Variants in CAPN13 observed in about 807,000 individuals in gnomAD.
CAPN13 encodes calpain-13.
In CAPN13, 90 loss-of-function variants were observed where a neutral mutation model predicts 98.4. That is an observed-to-expected ratio of 0.92 (90% CI 0.77 to 1.09). The LOEUF is 1.09. CAPN13 is among the 50% of genes least tolerant of loss of function. The pLI is 0.00. For synonymous variants in CAPN13, 330 were observed against 305.5 expected, an observed-to-expected ratio of 1.08 and a Z score of -0.84; for missense variants, 887 against 841.3, an observed-to-expected ratio of 1.05 and a Z score of -0.67.
chr2:30,778,965 T>G (rs1572860619), intron 2 of CAPN13, among the ~76,000 whole-genome samples: 1 of 152,164 alleles, frequency 6.6e-6, no homozygotes. Flanking sequence ...GAGCTCCAAG[T>G]AGAGCCAGTT....
In CAPN13 at chr2:30,743,575, A is replaced by T; in HGVS notation, c.1253T>A (p.Phe418Tyr). 1 of 1,613,962 alleles carries T rather than the reference A, an allele frequency of 6.2e-7. No individual in the cohort carries two copies. Among genetic ancestry groups the T allele is most frequent in the South Asian group, 1.1e-5 (1 of 91,082 alleles). ...AAACACGGGTGGAAATTTCTCCCGG[A>T]ACCGCTGGAATTAGAGGAAACACAA... ...FQVILAGSQR[F>Y]REKFPPVFFS... Residue 418 changes from phenylalanine (F) to tyrosine (Y), a missense_variant, in exon 13 of 23, where the codon TTC becomes TAC. Transcript: ENST00000295055.
In CAPN13 at chr2:30,740,513, A is replaced by G. The variant is rs543043224; in HGVS notation, c.1536+1395T>C. Among the ~76,000 whole-genome samples the G allele has an allele frequency of 1.6e-4, 25 of 152,382 alleles. 1 individual carries two copies. The South Asian group carries it at 4.4e-3, about 27-fold the overall frequency. ...TTTGGAGGACACAGACCCTGAGGAC[A>G]GTTTGTAGGATTACAGAATACTGCC... On this transcript the variant is annotated intron_variant, in intron 15 of 22. Coordinates refer to ENST00000295055, the MANE Select transcript of CAPN13 (RefSeq NM_144575.3).
chr2:30,760,186 C>T (rs767666071), intron 7 of CAPN13, among the ~76,000 whole-genome samples: 5 of 152,212 alleles, frequency 3.3e-5, no homozygotes, highest in Admixed American at 1.3e-4. Context: ...GGGTTCATGC[C>T]GTCCTCCTGC....
At chr2:30,753,985 C>T (rs1259601782) in intron 9 of CAPN13, among the ~76,000 whole-genome samples, 2 of 152,166 alleles carry the variant, frequency 1.3e-5, no homozygotes, top group African/African-American at 4.8e-5. Flanking sequence ...ATGGGCATGA[C>T]AACCATGCAT....
rs543846472 is a variant in CAPN13, at chr2:30,764,892, C to A, written c.525-586G>T. 1.1e-3 allele frequency among the ~76,000 whole-genome samples: 170 copies of A among 152,278 alleles called. 1 individual carries two copies. Among genetic ancestry groups the A allele is most frequent in the African/African-American group, 3.9e-3 (164 of 41,560 alleles). ...GGAGCCACTGTTCTTACTCTGCAAA[C>A]CCTGATCCAGAATTCCCATTCCCAG... On this transcript the variant is annotated intron_variant, in intron 5 of 22. Transcript: ENST00000295055.
intron 8 of CAPN13, among the ~76,000 whole-genome samples, chr2:30,757,482 T>C (rs1672513198): frequency 6.6e-6 from 1 of 152,210 alleles, no homozygotes; most frequent in Non-Finnish European, 1.5e-5. Flanking sequence ...CGAGTACTCA[T>C]GGGCATCCAG....
At chr2:30,740,537 C>T (rs1028458200) in intron 15 of CAPN13, among the ~76,000 whole-genome samples, 8 of 152,202 alleles carry the variant, frequency 5.3e-5, no homozygotes, top group African/African-American at 2.4e-5. Context: ...CAGAATACTG[C>T]CAGGTGGGCC....
chr2:30,753,266 C>T lies in CAPN13; in HGVS notation c.942-68G>A, dbSNP rs1672272276. On this transcript the variant is annotated intron_variant, in intron 9 of 22. Transcript: ENST00000295055. ...GTCCCCAGGGTGGGGGTTCCTATGA[C>T]TTCACAGCATAGCCACTGTCCTGCC... 9 of 1,530,992 alleles carry T rather than the reference C, an allele frequency of 5.9e-6. No individual in the cohort carries two copies. In the South Asian group the frequency reaches 9.3e-5, roughly 16 times the overall value. The allele number at this position is 1,530,992 out of a possible 1,614,324, so 94.8% of individuals were successfully genotyped here.
intron 7 of CAPN13, among the ~76,000 whole-genome samples, chr2:30,761,399 G>A (rs1443256274): frequency 6.6e-6 from 1 of 152,148 alleles, no homozygotes; most frequent in Non-Finnish European, 1.5e-5. Context: ...CGGCAGCTGA[G>A]CCCACACTTG....
chr2:30,773,888 T>C (rs1246790168), intron 4 of CAPN13, among the ~76,000 whole-genome samples: 1 of 152,184 alleles, frequency 6.6e-6, no homozygotes, highest in Non-Finnish European at 1.5e-5. Flanking sequence ...CACTGGATAA[T>C]ATAGATTGTT....
intron 7 of CAPN13, among the ~76,000 whole-genome samples, chr2:30,760,628 G>A (rs117497125): frequency 2.0e-4 from 31 of 152,350 alleles, no homozygotes; most frequent in East Asian, 1.3e-3. Context: ...ATTAAAAAGC[G>A]CGCCACATTT....
chr2:30,777,491 G>C, intron 3 of CAPN13, 76 bp downstream of exon 3: 2 of 1,309,440 alleles, frequency 1.5e-6, no homozygotes, highest in Non-Finnish European at 2.2e-6. Flanking sequence ...TCAGAAGTGG[G>C]GCAGGACTCT....
At position 30,787,317 on chromosome 2, in the gene CAPN13, A is replaced by C; in HGVS notation, c.9T>G (p.Tyr3Ter). The part of the protein sequence containing the change: MA[Y>*]YQEPSVETSI... ...AGGTCTCCACTGAAGGCTCCTGGTA[A>C]TACGCCATGACTCTCCTTAGAAGAC... The change falls in exon 2 of 23, where the codon TAT becomes TAG. Residue 3 changes from tyrosine (Y) to a stop codon, truncating the protein, a stop_gained. Transcript: ENST00000295055. LOFTEE classifies it high-confidence loss of function. The C allele has an allele frequency of 6.2e-7, 1 of 1,612,128 alleles. No individual in the cohort carries two copies. Among genetic ancestry groups the C allele is most frequent in the Non-Finnish European group, 8.5e-7 (1 of 1,179,248 alleles).
chr2:30,802,283 A>G (rs1332243193), intron 1 of CAPN13, among the ~76,000 whole-genome samples: 1 of 152,158 alleles, frequency 6.6e-6, no homozygotes, highest in Non-Finnish European at 1.5e-5. Flanking sequence ...GTCCCCAGGA[A>G]GGCCCAGGTC....
At position 30,787,258 on chromosome 2, in the gene CAPN13, G is replaced by A. The variant is rs1448786148; in HGVS notation, c.68C>T (p.Thr23Ile). 1.2e-6 allele frequency: 2 copies of A among 1,613,320 alleles called. No individual in the cohort carries two copies. Among genetic ancestry groups the A allele is most frequent in the Non-Finnish European group, 1.7e-6 (2 of 1,179,720 alleles). Residue 23 changes from threonine to isoleucine, a missense_variant, in exon 2 of 23, where the codon ACC (threonine) becomes ATC (isoleucine). Physicochemically the swap from Thr to Ile is moderately conservative, Grantham distance 89. Transcript: ENST00000295055. ...IIKFKDQDFT[T>I]LRDHCLSMGR... ...CATGCTCAGGCAGTGATCCCGCAAG[G>A]TGGTAAAGTCCTGGTCTTTGAACTT...
chr2:30,785,741 T>C (rs1261253835), intron 2 of CAPN13, among the ~76,000 whole-genome samples: 1 of 152,154 alleles, frequency 6.6e-6, no homozygotes, highest in African/African-American at 2.4e-5. Flanking sequence ...GCTCAGCACC[T>C]TGTGAGAAAA....
At chr2:30,748,565 G>A (rs1166326435) in intron 11 of CAPN13, among the ~76,000 whole-genome samples, 1 of 152,090 alleles carries the variant, frequency 6.6e-6, no homozygotes, top group Non-Finnish European at 1.5e-5. Flanking sequence ...GAGGGGTGAG[G>A]GGGAGATGAA....
At chr2:30,775,703 C>A (rs1034858844) in intron 4 of CAPN13, among the ~76,000 whole-genome samples, 38 of 152,176 alleles carry the variant, frequency 2.5e-4, no homozygotes, top group African/African-American at 8.0e-4. Flanking sequence ...CTTTGCTAAT[C>A]ATTTCTGTCA....
chr2:30,795,347 G>T lies in CAPN13; in HGVS notation c.-32-7990C>A, dbSNP rs116548442. Among the ~76,000 whole-genome samples the T allele has an allele frequency of 5.3e-3, 805 of 152,182 alleles. 9 individuals carry two copies. The highest frequency in any genetic ancestry group is 0.018 in the African/African-American group (765 of 41,564). On this transcript the variant is annotated intron_variant, in intron 1 of 22. Transcript: ENST00000295055. ...ACGTCACTAAGTATGCCAAATTATTGTCCAAGGTTGTACCAATTTATAATT... is the reference window on the plus strand; with the variant it reads ...ACGTCACTAAGTATGCCAAATTATTTTCCAAGGTTGTACCAATTTATAATT...
Sources: allele counts gnomAD v4.1 joint callset (sites outside exome capture counted in the v4.1 genomes callset), GRCh38; gene constraint gnomAD v4.1.1; transcripts MANE v1.5; gene names NCBI Gene and HGNC (gene_info 2026-07-23, HGNC 2026-07-21).